Variants in CYRIB observed in about 807,000 individuals in gnomAD.
CYRIB encodes CYFIP-related Rac1 interactor B.
In CYRIB, 8 loss-of-function variants were observed where a neutral mutation model predicts 44.2. That is an observed-to-expected ratio of 0.18 (90% CI 0.11 to 0.33). The LOEUF is 0.33. Ranked by LOEUF, CYRIB falls within the 10% of genes least tolerant of loss-of-function variation. CYRIB has a pLI of 1.00. For missense variants in CYRIB, 185 were observed against 382.8 expected (o/e 0.48, Z 4.31); for synonymous variants, 131 against 127.2 (o/e 1.03, Z -0.20).
At chr8:129,919,127 G>A (rs1004568257) in intron 1 of CYRIB, among the ~76,000 whole-genome samples, 2 of 152,146 alleles carry the variant, frequency 1.3e-5, no homozygotes, top group African/African-American at 4.8e-5. Context: ...GCCTTCCAAA[G>A]TGCTGGGATT....
At chr8:129,993,687 A>G (rs2096697652) in intron 1 of CYRIB, among the ~76,000 whole-genome samples, 1 of 149,158 alleles carries the variant, frequency 6.7e-6, no homozygotes, top group African/African-American at 2.5e-5. Context: ...ACAGAGTGAA[A>G]CTCTCTCTCA....
chr8:129,858,023 T>C (rs1021214380), intron 5 of CYRIB, among the ~76,000 whole-genome samples: 4 of 152,188 alleles, frequency 2.6e-5, no homozygotes, highest in Admixed American at 1.3e-4. Context: ...AGGCCCTCCA[T>C]GGTAGATCTA....
intron 2 of CYRIB, among the ~76,000 whole-genome samples, chr8:129,965,065 G>T (rs530609769): frequency 6.6e-6 from 1 of 152,214 alleles, no homozygotes; most frequent in Admixed American, 6.5e-5. Context: ...CTGTTGCTTG[G>T]CAAATGCTCA....
At chr8:129,960,029 T>C (rs553846558) in intron 2 of CYRIB, among the ~76,000 whole-genome samples, 2 of 152,346 alleles carry the variant, frequency 1.3e-5, no homozygotes, top group South Asian at 4.1e-4. Context: ...CTACAATTTT[T>C]GGTTATGTGA....
At chr8:129,986,998 T>A (rs2096478508) in intron 1 of CYRIB, among the ~76,000 whole-genome samples, 2 of 152,140 alleles carry the variant, frequency 1.3e-5, no homozygotes, top group Non-Finnish European at 2.9e-5. Context: ...AATGCAGCCA[T>A]ATGCCCCTAA....
chr8:129,841,524 T>A (rs941994128), exon 12 of CYRIB: 10 of 152,658 alleles, frequency 6.6e-5, no homozygotes, highest in African/African-American at 2.4e-4. Context: ...TCTTTAGACA[T>A]GAACATGCAT....
intron 1 of CYRIB, among the ~76,000 whole-genome samples, chr8:129,979,828 G>A (rs987933608): frequency 2.0e-5 from 3 of 152,202 alleles, no homozygotes; most frequent in Non-Finnish European, 4.4e-5. Context: ...GGCTGAGGCA[G>A]AAGAATTGCT....
At chr8:129,945,771 C>A (rs1274549707) in intron 2 of CYRIB, among the ~76,000 whole-genome samples, 4 of 152,134 alleles carry the variant, frequency 2.6e-5, no homozygotes, top group Non-Finnish European at 5.9e-5. Flanking sequence ...CAGGGTTTCA[C>A]CATGTTGGCC....
At chr8:129,965,579 A>G (rs1011762678) in intron 2 of CYRIB, among the ~76,000 whole-genome samples, 3 of 151,806 alleles carry the variant, frequency 2.0e-5, no homozygotes, top group Non-Finnish European at 4.4e-5. Context: ...GGCGGATCAC[A>G]AGGTCAGGAG....
At chr8:129,941,909 T>C (rs2093737317), upstream of CYRIB, among the ~76,000 whole-genome samples, 1 of 152,202 alleles carries the variant, frequency 6.6e-6, no homozygotes, top group Non-Finnish European at 1.5e-5. Flanking sequence ...GGAACCTCTT[T>C]TACACTAAGC....
intron 1 of CYRIB, among the ~76,000 whole-genome samples, chr8:130,001,063 G>A (rs978134917): frequency 1.3e-5 from 2 of 152,116 alleles, no homozygotes; most frequent in African/African-American, 4.8e-5. Context: ...CCAAAACACA[G>A]GCAAAGATGA....
At chr8:129,934,775 T>C (rs1466963416) in intron 1 of CYRIB, among the ~76,000 whole-genome samples, 2 of 152,172 alleles carry the variant, frequency 1.3e-5, no homozygotes, top group African/African-American at 4.8e-5. Context: ...CAAACCTTCA[T>C]GATTTTGCAG....
chr8:129,935,680 C>T (rs1180207857), intron 1 of CYRIB, among the ~76,000 whole-genome samples: 1 of 152,108 alleles, frequency 6.6e-6, no homozygotes, highest in Admixed American at 6.5e-5. Context: ...CTAAAATATA[C>T]CAAGAAGAGA....
chr8:129,883,541 A>G (rs1467748539), intron 2 of CYRIB, among the ~76,000 whole-genome samples: 1 of 152,224 alleles, frequency 6.6e-6, no homozygotes, highest in Non-Finnish European at 1.5e-5. Flanking sequence ...CCTATCCTTT[A>G]TAAGAATAAA....
chr8:129,968,462 C>A (rs750420799), intron 2 of CYRIB, among the ~76,000 whole-genome samples: 31 of 151,776 alleles, frequency 2.0e-4, no homozygotes, highest in Non-Finnish European at 4.1e-4. Flanking sequence ...TTAAATATAC[C>A]ATTTTTATAG....
chr8:129,863,900 CT>C (rs1242669879), intron 4 of CYRIB, among the ~76,000 whole-genome samples: 1 of 152,186 alleles, frequency 6.6e-6, no homozygotes, highest in Non-Finnish European at 1.5e-5. Flanking sequence ...AACATACCAT[CT>C]GAAATTCAGA....
rs138460355 is a variant in CYRIB at position 129,902,060 on chromosome 8, A to G, written c.-11+1252T>C. ...TGAGGCAGGATTCATAGGCTTCATA[A>G]GATTGCCAAAGAGGTCCTTGGCACA... On this transcript the variant is annotated intron_variant, in intron 2 of 11. Transcript: ENST00000519824. 2.4e-4 allele frequency among the ~76,000 whole-genome samples: 37 copies of G among 152,320 alleles called. No individual in the cohort carries two copies. The East Asian group carries it at 6.6e-3, about 27-fold the overall frequency.
At chr8:129,871,146 A>G (rs78867556) in intron 4 of CYRIB, among the ~76,000 whole-genome samples, 2,725 of 152,314 alleles carry the variant, frequency 0.018, 96 homozygotes, top group African/African-American at 0.062. Flanking sequence ...GAGCAACCCA[A>G]AAAGTAAATA....
intron 1 of CYRIB, among the ~76,000 whole-genome samples, chr8:129,931,355 C>A (rs1038132292): frequency 1.3e-5 from 2 of 152,200 alleles, no homozygotes; most frequent in African/African-American, 4.8e-5. Flanking sequence ...AAACTAATCT[C>A]ACACCTTGCA....
Sources: allele counts gnomAD v4.1 joint callset (sites outside exome capture counted in the v4.1 genomes callset), GRCh38; gene constraint gnomAD v4.1.1; transcripts MANE v1.5; gene names NCBI Gene and HGNC (gene_info 2026-07-23, HGNC 2026-07-21).